Variants in GRAMD1B observed in about 807,000 individuals in gnomAD.
GRAMD1B encodes protein Aster-B.
Under a neutral mutation model 99.7 loss-of-function variants are expected in GRAMD1B, and 37 were observed. That is an observed-to-expected ratio of 0.37 (90% confidence interval 0.29 to 0.49). GRAMD1B has a LOEUF of 0.49. Among genes scored for constraint, GRAMD1B ranks in the 20% least tolerant of loss-of-function variants. GRAMD1B has a pLI of 0.98. For missense variants in GRAMD1B, 888 were observed against 1,009.2 expected, an observed-to-expected ratio of 0.88 and a Z score of 1.63; for synonymous variants, 427 against 387.6, an observed-to-expected ratio of 1.10 and a Z score of -1.19.
At chr11:123,530,861 C>T (rs145596307) in intron 2 of GRAMD1B, among the ~76,000 whole-genome samples, 276 of 152,244 alleles carry the variant, frequency 1.8e-3, no homozygotes, top group African/African-American at 6.4e-3. Flanking sequence ...GAACCAGAAC[C>T]CTGTAATCAC....
rs12281531 is a variant in GRAMD1B at position 123,591,332 on chromosome 11, G to T, written c.685-2750G>T. 5,715 of 398,512 alleles carry T rather than the reference G, an allele frequency of 0.014. 298 individuals are homozygous for T. Among genetic ancestry groups the T allele is most frequent in the African/African-American group, 0.11 (5,311 of 48,716 alleles). 24.7% of individuals were successfully genotyped at this position (398,512 alleles called of 1,614,324 possible). A position where few individuals can be genotyped will look rare whatever the true frequency, so the allele number is the denominator to read the frequency against. On this transcript the variant is annotated intron_variant, in intron 4 of 19. Transcript: ENST00000635736. The surrounding 1 kb of genome is among the most constrained non-coding windows in gnomAD (Gnocchi z 4.7). ...GAGACCAGTTGTTTTCATCGTGTGG[G>T]GACAGTCGGGAGTCAGTGCTCAGGG...
intron 2 of GRAMD1B, among the ~76,000 whole-genome samples, chr11:123,487,700 G>T (rs969025358): frequency 1.6e-4 from 25 of 152,342 alleles, no homozygotes; most frequent in Non-Finnish European, 3.4e-4. Context: ...CGCCTCCTGG[G>T]TTCAAGCAAG....
In GRAMD1B at chr11:123,597,774, C is replaced by G. The variant is rs868431686; in HGVS notation, c.969+1737C>G. Reference sequence around the variant, plus strand: ...ATCTTTTTAAATATAAAACATAAAACACATCTCAAACCTGCATTCTGCCAG... The same window carrying G: ...ATCTTTTTAAATATAAAACATAAAAGACATCTCAAACCTGCATTCTGCCAG... On this transcript the variant is annotated intron_variant, in intron 7 of 19. Coordinates refer to ENST00000635736, the MANE Select transcript of GRAMD1B (RefSeq NM_001387025.1). 2.0e-5 allele frequency among the ~76,000 whole-genome samples: 3 copies of G among 152,174 alleles called. No individual in the cohort carries two copies. In the South Asian group the frequency reaches 6.2e-4, roughly 32 times the overall value.
intron 1 of GRAMD1B, among the ~76,000 whole-genome samples, chr11:123,458,151 C>T (rs539684847): frequency 6.6e-6 from 1 of 152,248 alleles, no homozygotes; most frequent in African/African-American, 2.4e-5. Context: ...AATTGGCTTA[C>T]ATGATTATGG....
chr11:123,585,377 A>C (rs182833871), intron 4 of GRAMD1B, among the ~76,000 whole-genome samples: 19 of 152,336 alleles, frequency 1.2e-4, no homozygotes, highest in Middle Eastern at 3.4e-3. Flanking sequence ...AAAGTCAGGC[A>C]TGTGCTCACG....
At chr11:123,598,936 T>C in intron 7 of GRAMD1B, 1 of 1,098,264 alleles carries the variant, frequency 9.1e-7, no homozygotes, top group Non-Finnish European at 1.4e-6. Context: ...TCTTTAGGAA[T>C]GTCAAATAAT....
At chr11:123,406,399 A>AT (rs566926290) in intron 1 of GRAMD1B, among the ~76,000 whole-genome samples, 4 of 152,044 alleles carry the variant, frequency 2.6e-5, no homozygotes, top group Non-Finnish European at 5.9e-5. Context: ...GACTACAGGC[A>AT]TGTGCCACCA....
At chr11:123,433,434 G>T (rs1948998513) in intron 1 of GRAMD1B, among the ~76,000 whole-genome samples, 1 of 152,136 alleles carries the variant, frequency 6.6e-6, no homozygotes, top group African/African-American at 2.4e-5. Context: ...TCCCTCCAAT[G>T]TAAAAGAAAC....
At chr11:123,438,535 C>T (rs577565433) in intron 1 of GRAMD1B, among the ~76,000 whole-genome samples, 2 of 152,196 alleles carry the variant, frequency 1.3e-5, no homozygotes, top group Admixed American at 6.5e-5. Context: ...AATCAGCTAG[C>T]GCCTGGCTGT....
rs115373017 is a variant in GRAMD1B, at chr11:123,415,028, G to A, written c.-176+56229G>A. On this transcript the variant is annotated intron_variant, in intron 1 of 20. Coordinates refer to the GRAMD1B transcript ENST00000638157. ...ACTGGCGTCTTGGAGAAGCAGGTTT[G>A]TATGAAAGGCCCCTAAGGCTGCCAG... is the stretch of plus-strand genomic sequence containing the variant. Among the ~76,000 whole-genome samples the A allele has an allele frequency of 1.4e-3, 212 of 147,142 alleles. 1 individual carries two copies. Among genetic ancestry groups the A allele is most frequent in the African/African-American group, 5.2e-3 (208 of 40,004 alleles).
At chr11:123,601,946 A>G (rs577431335) in intron 8 of GRAMD1B, among the ~76,000 whole-genome samples, 1 of 152,380 alleles carries the variant, frequency 6.6e-6, no homozygotes, top group East Asian at 1.9e-4. Context: ...GGCGCTGGTC[A>G]GAGAAGTCTG....
chr11:123,546,236 T>C (rs1230571961), intron 2 of GRAMD1B, among the ~76,000 whole-genome samples: 2 of 152,122 alleles, frequency 1.3e-5, no homozygotes, highest in African/African-American at 2.4e-5. Flanking sequence ...TGGACAGAAG[T>C]GTCTGTGGGG....
intron 4 of GRAMD1B, among the ~76,000 whole-genome samples, chr11:123,593,408 C>T (rs1218318731): frequency 1.3e-5 from 2 of 152,198 alleles, no homozygotes; most frequent in Non-Finnish European, 2.9e-5. Flanking sequence ...AGATCTGACA[C>T]TGACCAGCTG....
chr11:123,577,258 C>T lies in GRAMD1B; in HGVS notation c.453-109C>T, dbSNP rs1948813074. ...GGTTTCTCCCCAGCCCCTCACCTGG[C>T]TCCCTGAGCTGGCTCCTTTGGGCTT... On this transcript the variant is annotated intron_variant, in intron 2 of 19. Coordinates refer to ENST00000635736, the MANE Select transcript of GRAMD1B (RefSeq NM_001387025.1). 5 of 897,610 alleles carry T rather than the reference C, an allele frequency of 5.6e-6. No homozygotes were observed. The Admixed American group carries it at 1.0e-4, about 19-fold the overall frequency. 55.6% of individuals were successfully genotyped at this position (897,610 alleles called of 1,614,324 possible).
At chr11:123,500,066 G>A (rs919599532) in intron 2 of GRAMD1B, among the ~76,000 whole-genome samples, 8 of 152,172 alleles carry the variant, frequency 5.3e-5, no homozygotes, top group Non-Finnish European at 8.8e-5. Context: ...AGTGGCTCAC[G>A]CCTGTAATCC....
chr11:123,554,536 A>AT (rs916693714), intron 2 of GRAMD1B, among the ~76,000 whole-genome samples: 1 of 151,106 alleles, frequency 6.6e-6, no homozygotes, highest in East Asian at 1.9e-4. Flanking sequence ...AAAAAAAAAA[A>AT]AAAAAAAAAG....
chr11:123,459,209 T>TA (rs1024840619), intron 1 of GRAMD1B: 3 of 107,000 alleles, frequency 2.8e-5, no homozygotes, highest in Admixed American at 1.7e-4. Flanking sequence ...CTTCTATATA[T>TA]TTTTTTTTAA....
chr11:123,413,511 T>C (rs958983873), intron 1 of GRAMD1B, among the ~76,000 whole-genome samples: 1 of 119,090 alleles, frequency 8.4e-6, no homozygotes, highest in African/African-American at 4.5e-5. Flanking sequence ...CATTTGCCCA[T>C]ATTTTTTTTT....
intron 3 of GRAMD1B, among the ~76,000 whole-genome samples, chr11:123,581,240 C>T (rs1414965680): frequency 6.6e-6 from 1 of 152,232 alleles, no homozygotes; most frequent in African/African-American, 2.4e-5. Context: ...TGACTCCCTT[C>T]TTCCTCTTTG....
Sources: gnomAD v4.1 joint callset for allele counts (sites outside exome capture counted in the v4.1 genomes callset) on GRCh38, gnomAD v4.1.1 for gene constraint, Gnocchi (gnomAD v3.1) non-coding constraint, MANE v1.5 for transcripts, NCBI Gene and HGNC (gene_info 2026-07-23, HGNC 2026-07-21) for gene names.